The following TFPI variants were observed in gnomAD, a reference collection of about 807,000 sequenced individuals.
TFPI encodes tissue factor pathway inhibitor.
TFPI carries 15 observed loss-of-function variants against 34.6 expected under a neutral mutation model. The ratio of observed to expected loss-of-function variants is 0.43; its 90% CI spans 0.29 to 0.67. The LOEUF is 0.67. TFPI is among the 30% of genes least tolerant of loss of function. The pLI is 0.15. For synonymous variants in TFPI, 105 were observed against 120.1 expected (o/e 0.87, Z 0.82); for missense variants, 301 against 364.0 (o/e 0.83, Z 1.41).
intron 1 of TFPI, chr2:187,515,233 G>T (rs1202646881): frequency 6.6e-6 from 1 of 152,140 alleles, no homozygotes; most frequent in Non-Finnish European, 1.5e-5. Flanking sequence ...AAAGATAAAG[G>T]CCCCCCATAC....
chr2:187,497,003 A>T lies in TFPI; in HGVS notation c.197T>A (p.Ile66Asn), dbSNP rs768270856. ...FKADDGPCKA[I>N]MKRFFFNIFT... ...AATATTGAAGAAAAATCTTTTCATGATTGCTTTACATGGGCCATCATCCGC... is the reference window on the plus strand; with the variant it reads ...AATATTGAAGAAAAATCTTTTCATGTTTGCTTTACATGGGCCATCATCCGC... Residue 66 changes from isoleucine (I) to asparagine (N), a missense_variant, in exon 3 of 8, where the codon ATC becomes AAC. Ile to Asn is a moderately radical substitution (Grantham distance 149). Transcript: ENST00000233156. 6.2e-7 allele frequency: 1 copy of T among 1,613,338 alleles called. No individual in the cohort carries two copies. Among genetic ancestry groups the T allele is most frequent in the South Asian group, 1.1e-5 (1 of 91,064 alleles).
At chr2:187,531,476 AT>A (rs1435405449) in intron 1 of TFPI, among the ~76,000 whole-genome samples, 1 of 152,144 alleles carries the variant, frequency 6.6e-6, no homozygotes, top group Non-Finnish European at 1.5e-5. Flanking sequence ...TAACAGAAAA[AT>A]ATTCACAGAA....
At chr2:187,480,141 T>C (rs926741477) in intron 6 of TFPI, among the ~76,000 whole-genome samples, 6 of 152,076 alleles carry the variant, frequency 3.9e-5, no homozygotes, top group Non-Finnish European at 7.4e-5. Context: ...CTTAAAATAT[T>C]AGTCATGATT....
chr2:187,505,925 A>G (rs1393734661), intron 1 of TFPI, among the ~76,000 whole-genome samples: 2 of 129,162 alleles, frequency 1.5e-5, no homozygotes, highest in African/African-American at 6.6e-5. Flanking sequence ...AGACAGATAA[A>G]TGACTATATG....
At chr2:187,538,919 C>T (rs1688415836) in intron 1 of TFPI, among the ~76,000 whole-genome samples, 1 of 151,976 alleles carries the variant, frequency 6.6e-6, no homozygotes, top group South Asian at 2.1e-4. Context: ...TTGAAAGTTA[C>T]TTATTTATGG....
chr2:187,529,714 G>C (rs768313830), intron 1 of TFPI, among the ~76,000 whole-genome samples: 1 of 152,168 alleles, frequency 6.6e-6, no homozygotes, highest in Middle Eastern at 3.2e-3. Context: ...CTCTAACTTG[G>C]TTGCAAGTTT....
intron 1 of TFPI, among the ~76,000 whole-genome samples, chr2:187,511,933 G>GAT (rs957451281): frequency 4.6e-5 from 7 of 151,286 alleles, no homozygotes; most frequent in Non-Finnish European, 1.0e-4. Context: ...GAGAGAGAGA[G>GAT]ATATACAAGT....
intron 4 of TFPI, among the ~76,000 whole-genome samples, chr2:187,485,863 A>C (rs2106020599): frequency 6.6e-6 from 1 of 151,854 alleles, no homozygotes; most frequent in Middle Eastern, 3.4e-3. Context: ...TTTTCCTGCA[A>C]GTATATTACC....
chr2:187,546,781 G>A (rs972819145), intron 1 of TFPI: 1 of 151,936 alleles, frequency 6.6e-6, no homozygotes, highest in African/African-American at 2.4e-5. Flanking sequence ...CAAAACATCT[G>A]TTTCCTGAAG....
At chr2:187,490,247 G>A (rs922004503) in intron 3 of TFPI, among the ~76,000 whole-genome samples, 17 of 151,796 alleles carry the variant, frequency 1.1e-4, no homozygotes, top group Admixed American at 1.1e-3. Context: ...TACCAATTGT[G>A]TGAAGTTGGT....
intron 6 of TFPI, among the ~76,000 whole-genome samples, chr2:187,472,648 TATC>T (rs1188955720): frequency 6.6e-6 from 1 of 152,116 alleles, no homozygotes; most frequent in Non-Finnish European, 1.5e-5. Context: ...TTATATGAAA[TATC>T]ATTTATATGA....
chr2:187,518,862 ATCTTG>A (rs1473181772), intron 1 of TFPI: 4 of 151,466 alleles, frequency 2.6e-5, no homozygotes, highest in Non-Finnish European at 5.9e-5. Flanking sequence ...TTTTTCTCTA[ATCTTG>A]TCTTGACACT....
At chr2:187,486,283 A>G (rs961184170) in intron 4 of TFPI, among the ~76,000 whole-genome samples, 3 of 151,658 alleles carry the variant, frequency 2.0e-5, no homozygotes, top group African/African-American at 7.2e-5. Context: ...TTGAATTACT[A>G]TCATATGATT....
intron 1 of TFPI, among the ~76,000 whole-genome samples, chr2:187,506,669 C>T (rs35056802): frequency 0.22 from 34,102 of 151,950 alleles, 4,108 homozygotes; most frequent in Middle Eastern, 0.3. Context: ...AGGTATTTTG[C>T]AGGGTATCCC....
Position 187,465,523 on chromosome 2 carries a change from G to GAAAAAA in TFPI, c.*1412_*1413insTTTTTT, listed in dbSNP as rs1559090498. The GAAAAAA allele has an allele frequency of 1.6e-5, 1 of 61,488 alleles. No individual in the cohort carries two copies. 3.8% of individuals were successfully genotyped at this position (61,488 alleles called of 1,614,324 possible). A position where few individuals can be genotyped will look rare whatever the true frequency, so the allele number is the denominator to read the frequency against. On this transcript the variant is annotated 3_prime_UTR_variant, in exon 8 of 8. Transcript: ENST00000233156. ...AAAAAAAAAACAAGAAAAAAGAAAAGAAAAAGAAAAAAGTAAAAAGCCTAG... is the reference window on the plus strand; with the variant it reads ...AAAAAAAAAACAAGAAAAAAGAAAAGAAAAAAAAAAAGAAAAAAGTAAAAAGCCTAG...
intron 1 of TFPI, among the ~76,000 whole-genome samples, chr2:187,507,676 A>C (rs1236040852): frequency 2.6e-5 from 4 of 151,716 alleles, no homozygotes; most frequent in Admixed American, 2.6e-4. Flanking sequence ...TTTCTTGTAC[A>C]TTTGTTTAAG....
chr2:187,529,041 T>A (rs778388658), intron 1 of TFPI, among the ~76,000 whole-genome samples: 72 of 152,300 alleles, frequency 4.7e-4, no homozygotes, highest in Non-Finnish European at 8.1e-4. Flanking sequence ...TTTGGAACAC[T>A]GAACATACAA....
At chr2:187,529,706 C>G (rs1372620546) in intron 1 of TFPI, among the ~76,000 whole-genome samples, 1 of 152,192 alleles carries the variant, frequency 6.6e-6, no homozygotes, top group Non-Finnish European at 1.5e-5. Context: ...GAAAGTGTCT[C>G]TAACTTGGTT....
intron 3 of TFPI, 131 bp downstream of exon 3, chr2:187,496,750 A>G (rs1685509356): frequency 1.2e-6 from 1 of 827,816 alleles, no homozygotes; most frequent in African/African-American, 1.7e-5. Flanking sequence ...AAGTCTAAAA[A>G]TGTGGAAATA....
Sources: gnomAD v4.1 joint callset for allele counts (sites outside exome capture counted in the v4.1 genomes callset) on GRCh38, gnomAD v4.1.1 for gene constraint, MANE v1.5 for transcripts, NCBI Gene and HGNC (gene_info 2026-07-23, HGNC 2026-07-21) for gene names.